The following SMG5 variants were observed in gnomAD, a reference collection of about 807,000 sequenced individuals.
The protein encoded by SMG5 is SMG5 nonsense mediated mRNA decay factor, also known as nonsense-mediated mRNA decay factor SMG5.
SMG5 carries 53 observed loss-of-function variants against 122.9 expected under a neutral mutation model. The observed-to-expected ratio is 0.43, with a 90% CI of 0.35 to 0.54. The LOEUF (loss-of-function observed/expected upper bound fraction) is 0.54, where lower values mean the gene tolerates loss of function less well. Among genes scored for constraint, SMG5 ranks in the 20% least tolerant of loss-of-function variants. SMG5 has a pLI of 0.01. For missense variants in SMG5, 1,153 were observed against 1,285.6 expected (o/e 0.90, Z 1.58); for synonymous variants, 477 against 490.2 (o/e 0.97, Z 0.35).
At chr1:156,290,538 TA>T in the SMG5 span, 13 of 138,986 alleles carry the variant, frequency 9.4e-5, no homozygotes, top group African/African-American at 8.1e-5. Context: ...ATCTATAATT[TA>T]AAAAAAAAAA....
At position 156,266,613 on chromosome 1, in the gene SMG5, C is replaced by T; in HGVS notation, c.1183G>A (p.Val395Ile). 6.2e-7 allele frequency: 1 copy of T among 1,614,152 alleles called. No individual in the cohort carries two copies. The highest frequency in any genetic ancestry group is 8.5e-7 in the Non-Finnish European group (1 of 1,180,034). Residue 395 changes from valine (V) to isoleucine (I), a missense_variant, in exon 11 of 22, where the codon GTC becomes ATC. Coordinates refer to ENST00000361813, the MANE Select transcript of SMG5 (RefSeq NM_015327.3). ...AGCTCAGCCTGCAGCCGTATGTTGA[C>T]ATGATTGACGAGGTGGGAAAAGAGG... Reference protein sequence around the residue: ...LALFSHLVNHVNIRLQAELEE... With the variant: ...LALFSHLVNHINIRLQAELEE...
chr1:156,291,268 A>C, the SMG5 span: 1 of 847,424 alleles, frequency 1.2e-6, no homozygotes, highest in Non-Finnish European at 1.9e-6. Context: ...TGGAAGTACC[A>C]GCCATACCCA....
intron 2 of SMG5, 108 bp downstream of exon 2, chr1:156,278,828 A>G (rs903927388): frequency 3.5e-6 from 3 of 862,952 alleles, no homozygotes; most frequent in Non-Finnish European, 5.8e-6. Context: ...TTAAGGTACC[A>G]TGAGGTCAGG....
upstream of SMG5, chr1:156,283,215 A>G: frequency 5.3e-6 from 1 of 189,290 alleles, no homozygotes; most frequent in Non-Finnish European, 1.1e-5. Flanking sequence ...CCCATAATTT[A>G]AACAAACAAA....
rs143556811 is a variant in SMG5 at position 156,274,965 on chromosome 1, C to A, written c.455-279G>T. On this transcript the variant is annotated intron_variant, in intron 4 of 21. Transcript: ENST00000361813. ...GCCCTCAACCTAGGATGGCACCTTG[C>A]GGGAAGGTCATCACAGGAAGGCTTC... Among the ~76,000 whole-genome samples the A allele has an allele frequency of 2.5e-4, 38 of 151,988 alleles. 2 individuals are homozygous for A. In the East Asian group the frequency reaches 7.2e-3, roughly 29 times the overall value.
intron 13 of SMG5, 71 bp from the exon 14 acceptor site, chr1:156,261,479 G>T: frequency 7.8e-7 from 1 of 1,283,904 alleles, no homozygotes; most frequent in Non-Finnish European, 1.1e-6. Flanking sequence ...AGCAAGGAAA[G>T]CACCACCCTG....
chr1:156,270,339 C>T (rs1326898732), intron 7 of SMG5, among the ~76,000 whole-genome samples: 1 of 152,168 alleles, frequency 6.6e-6, no homozygotes, highest in Non-Finnish European at 1.5e-5. Flanking sequence ...AGCCTTGAGC[C>T]ACTACATAAG....
intron 5 of SMG5, 87 bp from the exon 6 acceptor site, chr1:156,273,537 G>A (rs1572595048): frequency 1.6e-6 from 2 of 1,260,932 alleles, no homozygotes; most frequent in Non-Finnish European, 2.3e-6. Flanking sequence ...CTCTGAGAGT[G>A]GTAACAAGAG....
rs965687062 is a variant in SMG5 at position 156,282,692 on chromosome 1, C to G, written c.-12G>C. ...GGGCCTTGGCTCATGGTGCCCGGGT[C>G]CGGGGGCAGCTCCCGGTCACAGGCC... On this transcript the variant is annotated 5_prime_UTR_variant, in exon 1 of 22. Transcript: ENST00000361813. 1 of 1,595,218 alleles carries G rather than the reference C, an allele frequency of 6.3e-7. No individual in the cohort carries two copies. The highest frequency in any genetic ancestry group is 8.5e-7 in the Non-Finnish European group (1 of 1,176,378).
chr1:156,273,041 ATCTC>A (rs1314261707), intron 6 of SMG5, among the ~76,000 whole-genome samples: 14 of 151,886 alleles, frequency 9.2e-5, no homozygotes, highest in East Asian at 7.7e-4. Context: ...GCAAATCCCC[ATCTC>A]TCTCTATAAT....
At chr1:156,280,410 G>C (rs1233488346) in intron 1 of SMG5, among the ~76,000 whole-genome samples, 2 of 152,252 alleles carry the variant, frequency 1.3e-5, no homozygotes, top group African/African-American at 4.8e-5. Flanking sequence ...GCCCTACACA[G>C]GGTGAAGTGA....
At position 156,259,411 on chromosome 1, in the gene SMG5, T is replaced by C. The variant is rs146139230; in HGVS notation, c.2284-248A>G. ...CCTAGGAGGACCAGAAAACCAGGAC[T>C]TGGGCTAAGAAACAAGAGCAAAGGA... is the stretch of plus-strand genomic sequence containing the variant. On this transcript the variant is annotated intron_variant, in intron 15 of 21. Coordinates refer to ENST00000361813, the MANE Select transcript of SMG5 (RefSeq NM_015327.3). Among the ~76,000 whole-genome samples the C allele has an allele frequency of 7.5e-3, 1,137 of 152,248 alleles. 16 individuals are homozygous for C. Among genetic ancestry groups the C allele is most frequent in the African/African-American group, 0.026 (1,090 of 41,522 alleles).
chr1:156,253,016 G>A lies in SMG5; in HGVS notation c.2565C>T (p.Pro855=), dbSNP rs1385260868. The change falls in exon 18 of 22, where the codon CCC becomes CCT. Residue 855 remains proline (P), a synonymous_variant. Transcript: ENST00000361813. ...QQPKAQSAMS[P]YLVPDTQALC... ...GGGCCTGGGTGTCAGGGACGAGGTA[G>A]GGAGACATGGCTGACTGGGCCTTGG... 1.2e-6 allele frequency: 2 copies of A among 1,613,148 alleles called. No individual in the cohort carries two copies. The highest frequency in any genetic ancestry group is 1.7e-5 in the Admixed American group (1 of 59,854).
At chr1:156,285,788 G>GGCGGCGGGA, upstream of SMG5, 1 of 1,613,654 alleles carries the variant, frequency 6.2e-7, no homozygotes, top group South Asian at 1.1e-5. Context: ...TTCCTGTGGG[G>GGCGGCGGGA]GCTGCGGGAG....
chr1:156,269,303 T>C (rs1315175713), intron 7 of SMG5, among the ~76,000 whole-genome samples: 1 of 152,068 alleles, frequency 6.6e-6, no homozygotes, highest in Admixed American at 6.6e-5. Context: ...TTTGTAGAGA[T>C]GGGGTCTCAC....
At position 156,277,249 on chromosome 1, in the gene SMG5, T is replaced by C; in HGVS notation, c.298-8A>G. The C allele has an allele frequency of 6.2e-7, 1 of 1,611,842 alleles. No homozygotes were observed. The highest frequency in any genetic ancestry group is 8.5e-7 in the Non-Finnish European group (1 of 1,179,374). Reference sequence around the variant, plus strand: ...GCTCCGGCTGTGGATGTGCTACAGATTGCGAAAGGGAAGGGGCTGGTTAAG... The same window carrying C: ...GCTCCGGCTGTGGATGTGCTACAGACTGCGAAAGGGAAGGGGCTGGTTAAG... On this transcript the variant is annotated splice_region_variant and splice_polypyrimidine_tract_variant and intron_variant, in intron 3 of 21. Coordinates refer to ENST00000361813, the MANE Select transcript of SMG5 (RefSeq NM_015327.3).
chr1:156,252,940 T>C lies in SMG5; in HGVS notation c.2641A>G (p.Ile881Val). The C allele has an allele frequency of 6.2e-7, 1 of 1,610,246 alleles. No homozygotes were observed. Among genetic ancestry groups the C allele is most frequent in the Non-Finnish European group, 8.5e-7 (1 of 1,178,158 alleles). ...IRQLATSGRF[I>V]VIIPRTVIDG... is the part of the protein sequence containing the mutation. ...TTACCTGTCCTTGGGATGATGACAA[T>C]GAAGCGGCCACTGGTGGCCAGTTGG... The change falls in exon 18 of 22, where the codon ATT (isoleucine) becomes GTT (valine). Residue 881 changes from isoleucine to valine, a missense_variant. By Grantham distance (29) the Ile-to-Val change is conservative (BLOSUM62 3). Around this residue, in one of 5 missense-constraint regions of SMG5, gnomAD observed 140 missense variants for 227.8 expected, o/e 0.61. Transcript: ENST00000361813.
intron 6 of SMG5, 89 bp from the exon 7 acceptor site, chr1:156,272,487 G>T (rs1662481328): frequency 3.7e-6 from 4 of 1,088,976 alleles, no homozygotes; most frequent in African/African-American, 1.6e-5. Flanking sequence ...CAGAGAACCT[G>T]TAGGGAGAAC....
At position 156,268,383 on chromosome 1, in the gene SMG5, T is replaced by C. The variant is rs747518369; in HGVS notation, c.746A>G (p.Tyr249Cys). Residue 249 changes from tyrosine to cysteine, a missense_variant, in exon 8 of 22, where the codon TAT becomes TGT. Transcript: ENST00000361813. ...IQSEVSFEGA[Y>C]GNLKRLYDKA... ...GTCATACAGCCGCTTGAGGTTCCCA[T>C]AGGCTCCCTCAAAGGACACTTCTGA... is the stretch of plus-strand genomic sequence containing the variant. The C allele has an allele frequency of 5.6e-6, 9 of 1,613,988 alleles. No homozygotes were observed. Among genetic ancestry groups the C allele is most frequent in the African/African-American group, 1.3e-5 (1 of 74,914 alleles).
Sources: gnomAD v4.1 joint callset for allele counts (sites outside exome capture counted in the v4.1 genomes callset) on GRCh38, gnomAD v4.1.1 for gene constraint, gnomAD v4.1.1 regional missense constraint, MANE v1.5 for transcripts, NCBI Gene and HGNC (gene_info 2026-07-23, HGNC 2026-07-21) for gene names.